Variants in ENTREP1 observed in about 807,000 individuals in gnomAD.
ENTREP1 encodes Friedreich ataxia region gene X123.
the ENTREP1 span, chr9:69,377,610 G>C: frequency 6.2e-7 from 1 of 1,613,794 alleles, no homozygotes; most frequent in Admixed American, 1.7e-5. Context: ...TGTTTAATCA[G>C]GATGAATCCC....
the ENTREP1 span, among the ~76,000 whole-genome samples, chr9:69,365,133 T>C: frequency 6.6e-6 from 1 of 152,168 alleles, no homozygotes; most frequent in Non-Finnish European, 1.5e-5. Flanking sequence ...TTGCAAGTGT[T>C]CAGTTAGCTA....
the ENTREP1 span, among the ~76,000 whole-genome samples, chr9:69,346,359 C>G: frequency 1.3e-5 from 2 of 151,972 alleles, no homozygotes; most frequent in African/African-American, 4.8e-5. Flanking sequence ...GAGGAATTTG[C>G]CACACGTATG....
At chr9:69,377,327 G>C in the ENTREP1 span, 2 of 1,074,598 alleles carry the variant, frequency 1.9e-6, no homozygotes, top group Non-Finnish European at 2.9e-6. Context: ...TTCTGGTGAT[G>C]TTTGTTGAAG....
the ENTREP1 span, among the ~76,000 whole-genome samples, chr9:69,372,739 G>T: frequency 5.3e-5 from 8 of 152,014 alleles, no homozygotes; most frequent in Non-Finnish European, 1.2e-4. Flanking sequence ...TAAATTTTTT[G>T]AGGAAACTTT....
At chr9:69,332,248 A>C in the ENTREP1 span, among the ~76,000 whole-genome samples, 1 of 152,234 alleles carries the variant, frequency 6.6e-6, no homozygotes, top group Non-Finnish European at 1.5e-5. Context: ...GAATAAAAGT[A>C]GGTGTGTGCC....
chr9:69,388,433 GC>G, the ENTREP1 span: 7 of 1,599,172 alleles, frequency 4.4e-6, no homozygotes, highest in Non-Finnish European at 6.0e-6. Flanking sequence ...CATCACAAGT[GC>G]CAGTTTTCTA....
the ENTREP1 span, among the ~76,000 whole-genome samples, chr9:69,333,425 C>T: frequency 5.3e-5 from 8 of 152,054 alleles, no homozygotes; most frequent in Non-Finnish European, 1.2e-4. Context: ...CTGCCTCAGC[C>T]TCCCAAGCAG....
chr9:69,346,064 C>T, the ENTREP1 span, among the ~76,000 whole-genome samples: 1 of 151,988 alleles, frequency 6.6e-6, no homozygotes, highest in East Asian at 1.9e-4. Context: ...CTTACTGCAG[C>T]CTCTGCCTCC....
the ENTREP1 span, among the ~76,000 whole-genome samples, chr9:69,378,294 AT>A: frequency 6.6e-6 from 1 of 152,144 alleles, no homozygotes; most frequent in Non-Finnish European, 1.5e-5. Context: ...AAAGAGATTA[AT>A]TATTAATTGT....
At chr9:69,333,759 G>T in the ENTREP1 span, among the ~76,000 whole-genome samples, 7 of 152,320 alleles carry the variant, frequency 4.6e-5, no homozygotes, top group African/African-American at 1.4e-4. Context: ...CTTAAGGGCA[G>T]TTGAATATGA....
the ENTREP1 span, among the ~76,000 whole-genome samples, chr9:69,341,144 G>A: frequency 1.3e-5 from 2 of 152,160 alleles, no homozygotes; most frequent in African/African-American, 4.8e-5. Flanking sequence ...CTCTATGCCT[G>A]TATTTTGGGT....
the ENTREP1 span, among the ~76,000 whole-genome samples, chr9:69,338,703 A>G: frequency 0.47 from 72,203 of 152,014 alleles, 17,459 homozygotes; most frequent in South Asian, 0.54. Context: ...TCTGTTTAAT[A>G]TAAAATTAAG....
chr9:69,378,943 G>C, the ENTREP1 span, among the ~76,000 whole-genome samples: 1 of 152,090 alleles, frequency 6.6e-6, no homozygotes, highest in Admixed American at 6.6e-5. Flanking sequence ...GGGACTTTGG[G>C]TGCACAGAGA....
the ENTREP1 span, among the ~76,000 whole-genome samples, chr9:69,333,789 C>T: frequency 1.3e-5 from 2 of 152,190 alleles, no homozygotes; most frequent in African/African-American, 4.8e-5. Context: ...TTCACAAGAA[C>T]AGCTTGAATT....
At chr9:69,345,688 C>T in the ENTREP1 span, among the ~76,000 whole-genome samples, 17 of 152,286 alleles carry the variant, frequency 1.1e-4, no homozygotes, top group African/African-American at 3.8e-4. Flanking sequence ...CTGCAACCTC[C>T]GCCTCCTGGG....
the ENTREP1 span, among the ~76,000 whole-genome samples, chr9:69,360,790 C>A: frequency 6.6e-6 from 1 of 152,080 alleles, no homozygotes; most frequent in African/African-American, 2.4e-5. Context: ...GATTCCATAG[C>A]TTCTTTTTTT....
At chr9:69,375,854 T>TTC in the ENTREP1 span, 1 of 1,613,726 alleles carries the variant, frequency 6.2e-7, no homozygotes, top group Admixed American at 1.7e-5. Context: ...GCTGTTCACC[T>TTC]TCTACTTAAG....
the ENTREP1 span, among the ~76,000 whole-genome samples, chr9:69,330,165 G>T: frequency 2.0e-5 from 3 of 151,766 alleles, no homozygotes; most frequent in Non-Finnish European, 1.5e-5. Flanking sequence ...AAGGGAGTTA[G>T]CTAGGTTCCA....
At chr9:69,327,139 C>T in the ENTREP1 span, among the ~76,000 whole-genome samples, 1 of 152,174 alleles carries the variant, frequency 6.6e-6, no homozygotes, top group African/African-American at 2.4e-5. Flanking sequence ...AGTTTGCTTT[C>T]CTTTTGAAAT....
Sources: gnomAD v4.1 joint callset for allele counts (sites outside exome capture counted in the v4.1 genomes callset) on GRCh38, gnomAD v4.1.1 for gene constraint, MANE v1.5 for transcripts, NCBI Gene and HGNC (gene_info 2026-07-23, HGNC 2026-07-21) for gene names.